The following THTPA variants were observed in gnomAD, a reference collection of about 807,000 sequenced individuals.
THTPA encodes thiamine-triphosphatase.
A neutral mutation model predicts 16.5 loss-of-function variants in THTPA; 16 were observed. That is an observed-to-expected ratio of 0.97 (90% confidence interval 0.66 to 1.47). The LOEUF is 1.47. Ranked by LOEUF, THTPA falls within the 40% of genes most tolerant of loss-of-function variation. The pLI, the probability that THTPA is intolerant of heterozygous loss-of-function variation, is 0.00. For synonymous variants in THTPA, 110 were observed against 115.5 expected (o/e 0.95, Z 0.30); for missense variants, 281 against 280.9 (o/e 1.00, Z 0.00).
chr14:23,528,687 C>T, the THTPA span: 1 of 985,416 alleles, frequency 1.0e-6, no homozygotes, highest in Non-Finnish European at 1.2e-6. Context: ...ACCTTATTTT[C>T]CATCTTTCTT....
At chr14:23,530,322 G>C in the THTPA span, 1 of 760,742 alleles carries the variant, frequency 1.3e-6, no homozygotes, top group Non-Finnish European at 2.3e-6. Context: ...TCAGCAGGTA[G>C]GAGAGTATGA....
chr14:23,533,357 G>A, the THTPA span: 2 of 1,442,108 alleles, frequency 1.4e-6, no homozygotes, highest in East Asian at 2.5e-5. The surrounding 1 kb of genome is among the most constrained non-coding windows in gnomAD (Gnocchi z 4.8). Context: ...GCTTCCAGGG[G>A]CTTGTCTGGC....
At chr14:23,520,205 G>A in the THTPA span, among the ~76,000 whole-genome samples, 539 of 152,172 alleles carry the variant, frequency 3.5e-3, 2 homozygotes, top group African/African-American at 0.012. The surrounding 1 kb of genome is among the most constrained non-coding windows in gnomAD (Gnocchi z 8.7). Flanking sequence ...CTCAATTCGT[G>A]TCAGCTCTAG....
the THTPA span, chr14:23,531,651 C>T: frequency 1.3e-6 from 2 of 1,511,588 alleles, no homozygotes; most frequent in Admixed American, 4.0e-5. Flanking sequence ...GGGTGTCTCC[C>T]ACGCACACAA....
chr14:23,559,653 C>T lies in THTPA; in HGVS notation c.*813C>T, dbSNP rs1883080168. 5 of 1,107,944 alleles carry T rather than the reference C, an allele frequency of 4.5e-6. No individual in the cohort carries two copies. The highest frequency in any genetic ancestry group is 1.3e-5 in the South Asian group (1 of 75,470). The allele number at this position is 1,107,944 out of a possible 1,614,324, so 68.6% of individuals were successfully genotyped here. ...CAGTTTTTGCAGTGCAAAGCCAGAG[C>T]GCCACCTGCTGGTAGCCCTCAGGTG... is the stretch of plus-strand genomic sequence containing the variant. On this transcript the variant is annotated 3_prime_UTR_variant, in exon 2 of 2. Transcript: ENST00000288014.
chr14:23,524,689 C>G, the THTPA span: 3 of 1,536,274 alleles, frequency 2.0e-6, no homozygotes, highest in Non-Finnish European at 2.6e-6. This position sits in a 1 kb window ranked among gnomAD's most constrained non-coding sequence, Gnocchi z 5.6. Context: ...TGCCTCCTGC[C>G]TTTGTTGCCT....
At chr14:23,522,372 T>TCAG in the THTPA span, 1 of 1,536,198 alleles carries the variant, frequency 6.5e-7, no homozygotes, top group Middle Eastern at 1.7e-4. Context: ...GTGCTGCCTG[T>TCAG]CAGCAGCTCA....
chr14:23,525,879 G>C, the THTPA span: 2 of 1,458,334 alleles, frequency 1.4e-6, no homozygotes, highest in Non-Finnish European at 9.0e-7. This position sits in a 1 kb window ranked among gnomAD's most constrained non-coding sequence, Gnocchi z 5.9. Context: ...AGCTTAAGCA[G>C]TGATTCGGGC....
the THTPA span, chr14:23,525,769 A>G: frequency 6.6e-7 from 1 of 1,504,232 alleles, no homozygotes. This position sits in a 1 kb window ranked among gnomAD's most constrained non-coding sequence, Gnocchi z 5.9. Context: ...GAGGGGTGGC[A>G]GCTGGCAGGG....
At chr14:23,533,174 T>C in the THTPA span, 1 of 1,441,568 alleles carries the variant, frequency 6.9e-7, no homozygotes, top group Non-Finnish European at 9.1e-7. The surrounding 1 kb of genome is among the most constrained non-coding windows in gnomAD (Gnocchi z 4.8). Context: ...AGTAGGATAG[T>C]GCTCAGAGGG....
the THTPA span, chr14:23,525,787 AG>A: frequency 3.3e-6 from 5 of 1,495,772 alleles, no homozygotes; most frequent in Non-Finnish European, 4.4e-6. The surrounding 1 kb of genome is among the most constrained non-coding windows in gnomAD (Gnocchi z 5.9). Context: ...GGGACAGCAC[AG>A]GTGCAGGCCC....
At chr14:23,532,826 G>A in the THTPA span, 1 of 1,536,578 alleles carries the variant, frequency 6.5e-7, no homozygotes, top group South Asian at 1.2e-5. Flanking sequence ...CTTGAGCTGG[G>A]TGCCATAGCA....
the THTPA span, among the ~76,000 whole-genome samples, chr14:23,548,903 A>G: frequency 1.2e-4 from 18 of 152,222 alleles, no homozygotes; most frequent in African/African-American, 4.3e-4. Flanking sequence ...TCCTCCTCAC[A>G]CCAGAGGCAT....
chr14:23,521,309 T>G, the THTPA span: 3 of 152,510 alleles, frequency 2.0e-5, no homozygotes, highest in Non-Finnish European at 4.4e-5. Flanking sequence ...CATGCCAGCC[T>G]CCAGTTTGGT....
At position 23,560,072 on chromosome 14, in the gene THTPA, G is replaced by A. The variant is rs1486640227; in HGVS notation, c.*1232G>A. On this transcript the variant is annotated 3_prime_UTR_variant, in exon 2 of 2. Transcript: ENST00000288014. ...GAGTTTAACAGAGCACAGTATGGCA[G>A]TAGGTAGGGCTCAGGCAGCCCCTCT... 5 of 1,486,288 alleles carry A rather than the reference G, an allele frequency of 3.4e-6. No homozygotes were observed. The highest frequency in any genetic ancestry group is 4.7e-6 in the Non-Finnish European group (5 of 1,074,624). 92.1% of individuals were successfully genotyped at this position (1,486,288 alleles called of 1,614,324 possible).
Position 23,559,243 on chromosome 14 carries a change from GGAT to G in THTPA, c.*404_*406del. 4.4e-6 allele frequency: 1 copy of G among 227,606 alleles called. No individual in the cohort carries two copies. The highest frequency in any genetic ancestry group is 8.8e-6 in the Non-Finnish European group (1 of 113,306). 14.1% of individuals were successfully genotyped at this position (227,606 alleles called of 1,614,324 possible). On this transcript the variant is annotated 3_prime_UTR_variant, in exon 2 of 2. Coordinates refer to ENST00000288014, the MANE Select transcript of THTPA (RefSeq NM_024328.6). Reference sequence around the variant, plus strand: ...GTTAGAAGATGAGGAGAGGCAGCAGGGATTTCCCTGCCTTGGGATGTGGGAAAC... The same window carrying G: ...GTTAGAAGATGAGGAGAGGCAGCAGGTTCCCTGCCTTGGGATGTGGGAAAC...
chr14:23,526,268 T>A, the THTPA span: 1 of 1,535,992 alleles, frequency 6.5e-7, no homozygotes, highest in Admixed American at 2.0e-5. Context: ...GGCAGAGGGG[T>A]CAATGGCAGC....
the THTPA span, among the ~76,000 whole-genome samples, chr14:23,549,238 G>A: frequency 2.6e-5 from 4 of 151,922 alleles, 1 homozygote; most frequent in South Asian, 4.2e-4. Flanking sequence ...CCCCGAGTCC[G>A]CATAGATTTT....
At chr14:23,519,100 G>T in the THTPA span, among the ~76,000 whole-genome samples, 1 of 152,220 alleles carries the variant, frequency 6.6e-6, no homozygotes, top group Middle Eastern at 3.4e-3. Context: ...TGTTGGGACC[G>T]CACGTGGTAT....
Sources: allele counts gnomAD v4.1 joint callset (sites outside exome capture counted in the v4.1 genomes callset), GRCh38; gene constraint gnomAD v4.1.1; non-coding constraint Gnocchi (gnomAD v3.1); transcripts MANE v1.5; gene names NCBI Gene and HGNC (gene_info 2026-07-23, HGNC 2026-07-21).